Variants in SP100 observed in about 807,000 individuals in gnomAD.
The protein encoded by SP100 is SP100 nuclear body protein, also known as nuclear autoantigen Sp-100.
Under a neutral mutation model 130.0 loss-of-function variants are expected in SP100, and 84 were observed. The observed-to-expected ratio is 0.65, with a 90% CI of 0.54 to 0.77. SP100 has a LOEUF of 0.77. Ranked by LOEUF, SP100 falls within the 30% of genes least tolerant of loss-of-function variation. The pLI is 0.00. For synonymous variants in SP100, 331 were observed against 351.7 expected (o/e 0.94, Z 0.66); for missense variants, 978 against 1,052.2 (o/e 0.93, Z 0.97).
intron 19 of SP100, among the ~76,000 whole-genome samples, chr2:230,502,328 T>C (rs1159290632): frequency 6.6e-6 from 1 of 152,226 alleles, no homozygotes; most frequent in East Asian, 1.9e-4. Flanking sequence ...CCATTTTCAG[T>C]ACAAAACCTT....
intron 17 of SP100, among the ~76,000 whole-genome samples, chr2:230,484,818 A>G (rs1202617571): frequency 6.6e-6 from 1 of 152,198 alleles, no homozygotes; most frequent in Non-Finnish European, 1.5e-5. Context: ...GTATATAATC[A>G]TACAATCTGC....
In SP100 at chr2:230,507,942, A is replaced by G. The variant is rs767692941; in HGVS notation, c.2014-51A>G. 15 of 1,564,156 alleles carry G rather than the reference A, an allele frequency of 9.6e-6. No individual in the cohort carries two copies. The African/African-American group carries it at 1.9e-4, about 20-fold the overall frequency. Reference sequence around the variant, plus strand: ...GAAGGCAGTCAGAAATACTAAGCTCACAAAATAAAAGCAAGAACCCATCAA... The same window carrying G: ...GAAGGCAGTCAGAAATACTAAGCTCGCAAAATAAAAGCAAGAACCCATCAA... On this transcript the variant is annotated intron_variant, in intron 22 of 28. Coordinates refer to ENST00000340126, the MANE Select transcript of SP100 (RefSeq NM_001080391.2).
At chr2:230,455,618 TA>T (rs2064236558) in intron 8 of SP100, among the ~76,000 whole-genome samples, 1 of 152,234 alleles carries the variant, frequency 6.6e-6, no homozygotes, top group African/African-American at 2.4e-5. Context: ...TATTTACACT[TA>T]ATATAATTAC....
intron 28 of SP100, among the ~76,000 whole-genome samples, 159 bp downstream of exon 28, chr2:230,542,194 T>C (rs1692204670): frequency 6.6e-6 from 1 of 152,186 alleles, no homozygotes; most frequent in Non-Finnish European, 1.5e-5. Context: ...AGCCCTGTAG[T>C]GCATGTGGAG....
At chr2:230,417,549 G>T in intron 1 of SP100, 42 bp from the exon 2 acceptor site, 1 of 1,589,638 alleles carries the variant, frequency 6.3e-7, no homozygotes, top group Non-Finnish European at 8.5e-7. Flanking sequence ...TTGAGGCAAA[G>T]GGTCCAGTTA....
At chr2:230,474,634 G>T (rs1387345476) in intron 17 of SP100, among the ~76,000 whole-genome samples, 187 bp downstream of exon 17, 4 of 152,054 alleles carry the variant, frequency 2.6e-5, no homozygotes, top group African/African-American at 9.7e-5. Context: ...CATCACCCAG[G>T]CAGTAAGCAT....
intron 15 of SP100, among the ~76,000 whole-genome samples, chr2:230,470,994 T>C (rs1229977038): frequency 6.6e-6 from 1 of 152,074 alleles, no homozygotes; most frequent in Non-Finnish European, 1.5e-5. Flanking sequence ...GTATATTGGT[T>C]AATACATATA....
At chr2:230,479,239 A>C (rs1329804960) in intron 17 of SP100, among the ~76,000 whole-genome samples, 1 of 152,206 alleles carries the variant, frequency 6.6e-6, no homozygotes, top group Non-Finnish European at 1.5e-5. Flanking sequence ...ACCTAAATAC[A>C]TAACGTGAAG....
chr2:230,512,855 T>C (rs1167768947), intron 24 of SP100, among the ~76,000 whole-genome samples: 4 of 152,144 alleles, frequency 2.6e-5, no homozygotes, highest in African/African-American at 7.2e-5. Flanking sequence ...AAAGTTCCCA[T>C]CTAGGGGTGA....
Position 230,450,347 on chromosome 2 carries a change from C to T in SP100, c.820+92C>T, listed in dbSNP as rs149953961. 258 of 836,416 alleles carry T rather than the reference C, an allele frequency of 3.1e-4. 3 individuals are homozygous for T. The East Asian group carries it at 5.5e-3, about 18-fold the overall frequency. 51.8% of individuals were successfully genotyped at this position (836,416 alleles called of 1,614,324 possible). ...GGTTGGTTGGTTGTTGTTTTACCAT[C>T]GTAACCACTTTTTAAAATTACCAGA... On this transcript the variant is annotated intron_variant, in intron 8 of 28. Transcript: ENST00000340126.
intron 21 of SP100, among the ~76,000 whole-genome samples, chr2:230,505,754 T>C (rs892173350): frequency 4.6e-5 from 7 of 152,194 alleles, no homozygotes; most frequent in African/African-American, 1.7e-4. Flanking sequence ...CTATATAACA[T>C]TTCCATAATT....
intron 3 of SP100, 112 bp downstream of exon 3, chr2:230,443,211 A>G: frequency 2.1e-6 from 2 of 960,630 alleles, no homozygotes; most frequent in East Asian, 4.9e-5. Flanking sequence ...CAGGTCTCCT[A>G]TGAGTGGGGA....
intron 24 of SP100, among the ~76,000 whole-genome samples, chr2:230,527,877 C>T (rs1575808326): frequency 6.6e-6 from 1 of 152,276 alleles, no homozygotes; most frequent in African/African-American, 2.4e-5. Context: ...ACAAGAAGAG[C>T]TAGCTATCCT....
At chr2:230,428,537 G>A (rs936457614) in intron 2 of SP100, among the ~76,000 whole-genome samples, 14 of 152,098 alleles carry the variant, frequency 9.2e-5, no homozygotes, top group Admixed American at 8.5e-4. Context: ...CCACCTCCCA[G>A]GTTCATGCCA....
At chr2:230,518,154 T>G (rs1430918141) in intron 24 of SP100, among the ~76,000 whole-genome samples, 1 of 152,060 alleles carries the variant, frequency 6.6e-6, no homozygotes, top group East Asian at 1.9e-4. Flanking sequence ...TTTTAACCTG[T>G]CTTACCAAAA....
chr2:230,446,127 T>C (rs559659249), intron 4 of SP100, among the ~76,000 whole-genome samples: 31 of 152,344 alleles, frequency 2.0e-4, no homozygotes, highest in African/African-American at 7.2e-4. Flanking sequence ...TTTATGTTTT[T>C]TGAGACAGTT....
chr2:230,484,778 AT>A (rs2065987601), intron 17 of SP100, among the ~76,000 whole-genome samples: 1 of 152,172 alleles, frequency 6.6e-6, no homozygotes, highest in East Asian at 1.9e-4. Flanking sequence ...ATGATAGTAT[AT>A]TTTTAATTGC....
intron 2 of SP100, among the ~76,000 whole-genome samples, chr2:230,434,216 G>T (rs919700618): frequency 1.3e-5 from 2 of 151,942 alleles, no homozygotes; most frequent in Admixed American, 6.6e-5. Context: ...ACAAAACTAT[G>T]ACTGTCTATC....
chr2:230,471,127 G>A (rs1319576336), intron 15 of SP100, among the ~76,000 whole-genome samples: 3 of 151,990 alleles, frequency 2.0e-5, no homozygotes, highest in Admixed American at 6.6e-5. Context: ...TAGAAATAAA[G>A]GAGAACAGAA....
Sources: gnomAD v4.1 joint callset for allele counts (sites outside exome capture counted in the v4.1 genomes callset) on GRCh38, gnomAD v4.1.1 for gene constraint, MANE v1.5 for transcripts, NCBI Gene and HGNC (gene_info 2026-07-23, HGNC 2026-07-21) for gene names.